The following PCDHA3 variants were observed in gnomAD, a reference collection of about 807,000 sequenced individuals.
PCDHA3 encodes the protein protocadherin alpha-3.
In PCDHA3, 41 loss-of-function variants were observed where a neutral mutation model predicts 62.2. The observed-to-expected ratio is 0.66, with a 90% CI of 0.51 to 0.86. The LOEUF is 0.86. PCDHA3 is among the 40% of genes least tolerant of loss of function. PCDHA3 has a pLI of 0.00. For synonymous variants in PCDHA3, 640 were observed against 555.4 expected (o/e 1.15, Z -2.14); for missense variants, 1,304 against 1,241.2 (o/e 1.05, Z -0.76).
intron 1 of PCDHA3, chr5:140,851,591 T>C: frequency 1.1e-6 from 1 of 917,932 alleles, no homozygotes. Context: ...TTTTTTGAAA[T>C]TCAGTTTACA....
chr5:140,801,911 C>T lies in PCDHA3; in HGVS notation c.714C>T (p.Asn238=). Residue 238 remains asparagine, a synonymous_variant, in exon 1 of 4, where the codon AAC becomes AAT. Transcript: ENST00000522353. ...LKITVLDVND[N]APAFERTIYK... is the part of the protein sequence containing the mutation. ...TCACTGTTTTAGATGTAAACGACAA[C>T]GCCCCAGCGTTTGAGAGGACGATCT... 1 of 1,614,176 alleles carries T rather than the reference C, an allele frequency of 6.2e-7. No individual in the cohort carries two copies. The highest frequency in any genetic ancestry group is 1.1e-5 in the South Asian group (1 of 91,084).
At chr5:140,894,365 A>G (rs1375287003) in intron 1 of PCDHA3, among the ~76,000 whole-genome samples, 4 of 151,966 alleles carry the variant, frequency 2.6e-5, no homozygotes, top group African/African-American at 7.2e-5. Context: ...TTCTTCTTCA[A>G]TGGCTCCAAT....
At chr5:140,920,000 A>T (rs1486623735) in intron 1 of PCDHA3, among the ~76,000 whole-genome samples, 1 of 152,178 alleles carries the variant, frequency 6.6e-6, no homozygotes, top group Non-Finnish European at 1.5e-5. Flanking sequence ...GACACAGAGG[A>T]AAAGGCCATG....
chr5:140,975,156 G>A (rs1404839334), intron 1 of PCDHA3, among the ~76,000 whole-genome samples: 15 of 152,174 alleles, frequency 9.9e-5, no homozygotes, highest in Non-Finnish European at 2.1e-4. Context: ...AGTTCCTAGA[G>A]AACTGAGGAC....
chr5:140,803,719 T>C (rs1422926439), intron 1 of PCDHA3, 128 bp downstream of exon 1: 1 of 1,475,944 alleles, frequency 6.8e-7, no homozygotes, highest in African/African-American at 1.4e-5. Flanking sequence ...TTTCCAGTTT[T>C]GTGGTTTTGT....
chr5:140,827,934 A>C, intron 1 of PCDHA3: 104 of 1,010,174 alleles, frequency 1.0e-4, no homozygotes, highest in Middle Eastern at 2.8e-4. Context: ...ATGAAGTTAT[A>C]GCTAGCCAAC....
intron 1 of PCDHA3, among the ~76,000 whole-genome samples, chr5:140,912,341 G>GT (rs1430124831): frequency 9.5e-5 from 12 of 126,362 alleles, no homozygotes; most frequent in African/African-American, 4.2e-4. Flanking sequence ...AGTACACTAA[G>GT]TATTTTTTTT....
chr5:140,834,570 C>T, intron 1 of PCDHA3: 1 of 1,614,086 alleles, frequency 6.2e-7, no homozygotes, highest in Non-Finnish European at 8.5e-7. Flanking sequence ...GGTGCCGCGC[C>T]TGTTCCGGGC....
At position 140,932,324 on chromosome 5, in the gene PCDHA3, A is replaced by C. The variant is rs188019504; in HGVS notation, c.2395-46625A>C. On this transcript the variant is annotated intron_variant, in intron 1 of 3. Coordinates refer to ENST00000522353, the MANE Select transcript of PCDHA3 (RefSeq NM_018906.3). Reference sequence around the variant, plus strand: ...AAAGGTATAAATATATTAATGTAGCAAAAATGCATGAAACACTTACCATAC... The same window carrying C: ...AAAGGTATAAATATATTAATGTAGCCAAAATGCATGAAACACTTACCATAC... Among the ~76,000 whole-genome samples the C allele has an allele frequency of 5.8e-3, 886 of 152,084 alleles. 7 individuals are homozygous for C. The highest frequency in any genetic ancestry group is 0.021 in the African/African-American group (858 of 41,564).
chr5:140,906,459 A>G (rs1217443805), intron 1 of PCDHA3, among the ~76,000 whole-genome samples: 1 of 152,236 alleles, frequency 6.6e-6, no homozygotes. Context: ...AAATGAAGAT[A>G]TTTTCTTAGT....
chr5:140,862,365 G>A (rs569361686), intron 1 of PCDHA3: 7 of 337,896 alleles, frequency 2.1e-5, no homozygotes, highest in African/African-American at 1.3e-4. Context: ...CAGACGACCC[G>A]CACCCTGACT....
At chr5:140,940,390 T>C (rs2092601477) in intron 1 of PCDHA3, among the ~76,000 whole-genome samples, 1 of 152,194 alleles carries the variant, frequency 6.6e-6, no homozygotes. Flanking sequence ...ATTTTGGTTA[T>C]TGTGTTTTTC....
chr5:140,877,680 G>A, intron 1 of PCDHA3: 1 of 1,613,738 alleles, frequency 6.2e-7, no homozygotes, highest in Non-Finnish European at 8.5e-7. Flanking sequence ...CGCCGGGCAA[G>A]CCCACGCTGG....
In PCDHA3 at chr5:140,858,397, C is replaced by T. The variant is rs781916951; in HGVS notation, c.2394+54806C>T. On this transcript the variant is annotated intron_variant, in intron 1 of 3. Coordinates refer to ENST00000522353, the MANE Select transcript of PCDHA3 (RefSeq NM_018906.3). ...CACCATGCCCAATGGTAGATGTGGA[C>T]GGGGAAGATCAGTCTATTGGAGGGG... is the stretch of plus-strand genomic sequence containing the variant. 2.5e-6 allele frequency: 4 copies of T among 1,573,184 alleles called. No individual in the cohort carries two copies. In the South Asian group the frequency reaches 4.5e-5, roughly 18 times the overall value.
At chr5:140,851,235 T>C (rs2041998909) in intron 1 of PCDHA3, 4 of 1,129,042 alleles carry the variant, frequency 3.5e-6, no homozygotes, top group Non-Finnish European at 4.5e-6. Flanking sequence ...CATTTATTTA[T>C]TGCTAAATGA....
intron 3 of PCDHA3, among the ~76,000 whole-genome samples, chr5:141,000,931 T>G (rs1422337935): frequency 1.3e-5 from 2 of 152,188 alleles, no homozygotes; most frequent in African/African-American, 4.8e-5. Flanking sequence ...CCTGTGTGAT[T>G]TAGGACAAAT....
intron 1 of PCDHA3, chr5:140,969,364 T>C: frequency 6.2e-7 from 1 of 1,610,368 alleles, no homozygotes; most frequent in Non-Finnish European, 8.5e-7. Context: ...TTCTACAAAC[T>C]CATGCATTTG....
chr5:140,875,806 A>G, intron 1 of PCDHA3: 1 of 1,614,204 alleles, frequency 6.2e-7, no homozygotes, highest in African/African-American at 1.3e-5. Context: ...GATCGTGGAC[A>G]GGCCGCTGCA....
At chr5:140,859,799 T>C (rs2046021191) in intron 1 of PCDHA3, 1 of 152,502 alleles carries the variant, frequency 6.6e-6, no homozygotes. Flanking sequence ...AAATTATAGA[T>C]GCTAAGTTAA....
Sources: gnomAD v4.1 joint callset for allele counts (sites outside exome capture counted in the v4.1 genomes callset) on GRCh38, gnomAD v4.1.1 for gene constraint, MANE v1.5 for transcripts, NCBI Gene and HGNC (gene_info 2026-07-23, HGNC 2026-07-21) for gene names.